The following APP variants were observed in gnomAD, a reference collection of about 807,000 sequenced individuals.
APP encodes amyloid-beta precursor protein.
A neutral mutation model predicts 101.4 loss-of-function variants in APP; 31 were observed. The ratio of observed to expected loss-of-function variants is 0.31; its 90% CI spans 0.23 to 0.41. The LOEUF is 0.41. Among genes scored for constraint, APP ranks in the 10% least tolerant of loss-of-function variants. The pLI, the probability that APP is intolerant of heterozygous loss-of-function variation, is 1.00. For missense variants in APP, 839 were observed against 1,003.7 expected (o/e 0.84, Z 2.22); for synonymous variants, 366 against 364.4 (o/e 1.00, Z -0.05).
At chr21:26,007,448 T>C (rs1238558012) in intron 6 of APP, among the ~76,000 whole-genome samples, 1 of 147,524 alleles carries the variant, frequency 6.8e-6, no homozygotes, top group African/African-American at 2.5e-5. Flanking sequence ...ATAAATTATA[T>C]ATTATATACT....
chr21:25,982,535 C>G (rs192536374), intron 8 of APP, 58 bp from the exon 9 acceptor site: 2 of 1,539,906 alleles, frequency 1.3e-6, no homozygotes, highest in African/African-American at 2.7e-5. Flanking sequence ...ACAGAATAAT[C>G]CACTCGTTTA....
At chr21:26,015,931 C>T (rs202023415) in intron 6 of APP, among the ~76,000 whole-genome samples, 1 of 110 alleles carries the variant, frequency 9.1e-3, no homozygotes, top group Non-Finnish European at 0.016. Context: ...ATGGGCTGTG[C>T]CTAATAAAAC....
At chr21:26,132,823 C>T (rs1003795151) in intron 1 of APP, among the ~76,000 whole-genome samples, 1 of 152,186 alleles carries the variant, frequency 6.6e-6, no homozygotes, top group Non-Finnish European at 1.5e-5. Context: ...AATTCAGAAT[C>T]GGGTTGACAT....
chr21:25,946,949 G>A (rs1010003134), intron 13 of APP, among the ~76,000 whole-genome samples: 14 of 152,022 alleles, frequency 9.2e-5, no homozygotes, highest in African/African-American at 1.9e-4. Context: ...GGTAGAGAGC[G>A]CAATATTTTT....
chr21:25,935,428 C>T (rs1317048127), intron 13 of APP, among the ~76,000 whole-genome samples: 1 of 152,124 alleles, frequency 6.6e-6, no homozygotes, highest in African/African-American at 2.4e-5. Context: ...GACCTTTTGG[C>T]TCAAGACATG....
At chr21:26,156,003 A>C (rs867544784) in intron 1 of APP, among the ~76,000 whole-genome samples, 91 of 149,728 alleles carry the variant, frequency 6.1e-4, no homozygotes, top group Middle Eastern at 3.4e-3. Flanking sequence ...TTCGTCTCAA[A>C]AAAAAAAAAA....
chr21:26,098,056 C>G (rs112449681), intron 2 of APP, among the ~76,000 whole-genome samples: 27,835 of 127,470 alleles, frequency 0.22, 5,084 homozygotes, highest in African/African-American at 0.5. Flanking sequence ...CTCCAGCCTG[C>G]GAGGCAGAGC....
chr21:25,988,106 T>C (rs1160770898), intron 8 of APP, among the ~76,000 whole-genome samples: 2 of 152,134 alleles, frequency 1.3e-5, no homozygotes, highest in Non-Finnish European at 2.9e-5. Context: ...GACATTCAGA[T>C]CTTCCCAGCT....
chr21:26,110,820 G>A (rs1295362919), intron 2 of APP, among the ~76,000 whole-genome samples: 14 of 152,056 alleles, frequency 9.2e-5, no homozygotes, highest in Admixed American at 9.2e-4. Flanking sequence ...AATGTTGCCA[G>A]GCTATCTGCT....
chr21:25,906,483 C>A (rs374964863), intron 14 of APP, among the ~76,000 whole-genome samples: 1 of 152,230 alleles, frequency 6.6e-6, no homozygotes, highest in Non-Finnish European at 1.5e-5. Context: ...CTGTTTGAGA[C>A]CCTACCAGAT....
intron 1 of APP, among the ~76,000 whole-genome samples, chr21:26,119,703 C>CAT (rs988015747): frequency 6.6e-6 from 1 of 152,058 alleles, no homozygotes; most frequent in African/African-American, 2.4e-5. Context: ...CACACACACA[C>CAT]ACATATACAC....
At position 25,880,726 on chromosome 21, in the gene APP, T is replaced by A. The variant is rs2036932559; in HGVS notation, c.*944A>T. On this transcript the variant is annotated 3_prime_UTR_variant, in exon 18 of 18. Transcript: ENST00000346798. ...TTCAGACTGGTTAAAGAAAATTGAA[T>A]CTGCCTCTTCTCCCCACCCAAAATT... 6.6e-6 allele frequency: 1 copy of A among 152,248 alleles called. No homozygotes were observed. Among genetic ancestry groups the A allele is most frequent in the Non-Finnish European group, 1.5e-5 (1 of 68,044 alleles). 9.4% of individuals were successfully genotyped at this position (152,248 alleles called of 1,614,324 possible).
chr21:26,001,329 T>C (rs571858587), intron 6 of APP, among the ~76,000 whole-genome samples: 1 of 152,288 alleles, frequency 6.6e-6, no homozygotes, highest in East Asian at 1.9e-4. Flanking sequence ...GTATATCCCA[T>C]TTTTATTGGA....
intron 14 of APP, among the ~76,000 whole-genome samples, chr21:25,909,772 T>A (rs1202487520): frequency 2.0e-5 from 3 of 152,226 alleles, no homozygotes; most frequent in Non-Finnish European, 4.4e-5. Context: ...TCTATCTACC[T>A]GTAAAGAAAC....
chr21:26,147,476 A>G (rs1003881551), intron 1 of APP, among the ~76,000 whole-genome samples: 6 of 152,214 alleles, frequency 3.9e-5, no homozygotes, highest in African/African-American at 1.4e-4. Context: ...ATCTGACTAG[A>G]AAGTCAGTAA....
intron 5 of APP, among the ~76,000 whole-genome samples, chr21:26,028,216 C>T (rs1223732268): frequency 6.6e-6 from 1 of 150,824 alleles, no homozygotes; most frequent in Non-Finnish European, 1.5e-5. Context: ...AAAGTCATGA[C>T]ACAGCTGATT....
At chr21:26,166,369 T>C (rs895409256) in intron 1 of APP, among the ~76,000 whole-genome samples, 4 of 152,116 alleles carry the variant, frequency 2.6e-5, no homozygotes, top group Non-Finnish European at 5.9e-5. Flanking sequence ...GGTGACAGCG[T>C]TTCCAAGGGT....
intron 3 of APP, among the ~76,000 whole-genome samples, chr21:26,064,873 A>T (rs1449318700): frequency 6.6e-6 from 1 of 152,050 alleles, no homozygotes; most frequent in Non-Finnish European, 1.5e-5. Flanking sequence ...CTGTTGTTTG[A>T]AACAGAGTCT....
At chr21:26,165,837 T>C (rs1329260902) in intron 1 of APP, among the ~76,000 whole-genome samples, 1 of 152,210 alleles carries the variant, frequency 6.6e-6, no homozygotes, top group Non-Finnish European at 1.5e-5. Context: ...TCTGTGGCCC[T>C]CTCTGAATAC....
Sources: allele counts gnomAD v4.1 joint callset (sites outside exome capture counted in the v4.1 genomes callset), GRCh38; gene constraint gnomAD v4.1.1; transcripts MANE v1.5; gene names NCBI Gene and HGNC (gene_info 2026-07-23, HGNC 2026-07-21).